Variants in NEDD4 observed in about 807,000 individuals in gnomAD.
The protein encoded by NEDD4 is NEDD4 E3 ubiquitin protein ligase.
A neutral mutation model predicts 144.9 loss-of-function variants in NEDD4; 99 were observed. That is an observed-to-expected ratio of 0.68 (90% CI 0.58 to 0.81). The LOEUF is 0.81. Among genes scored for constraint, NEDD4 ranks in the 30% least tolerant of loss-of-function variants. The probability of loss-of-function intolerance (pLI) is 0.00; values close to 1 mark genes in which losing one functional copy is unlikely to be tolerated. For missense variants in NEDD4, 985 were observed against 1,065.9 expected, an observed-to-expected ratio of 0.92 and a Z score of 1.06; for synonymous variants, 318 against 350.6, an observed-to-expected ratio of 0.91 and a Z score of 1.04.
Position 55,848,340 on chromosome 15 carries a change from T to C in NEDD4, c.1542+32A>G, listed in dbSNP as rs975646635. ...CTTGAAGAGACAGGTGAGCGGACAGTCCCATCAGAGCACACTGGCAGAGAG... is the reference window on the plus strand; with the variant it reads ...CTTGAAGAGACAGGTGAGCGGACAGCCCCATCAGAGCACACTGGCAGAGAG... On this transcript the variant is annotated intron_variant, in intron 17 of 28. Transcript: ENST00000435532. 3 of 1,604,532 alleles carry C rather than the reference T, an allele frequency of 1.9e-6. No individual in the cohort carries two copies. In the South Asian group the frequency reaches 3.3e-5, roughly 18 times the overall value.
chr15:55,952,951 C>T (rs913064418), intron 2 of NEDD4, among the ~76,000 whole-genome samples: 1 of 151,974 alleles, frequency 6.6e-6, no homozygotes, highest in Non-Finnish European at 1.5e-5. Flanking sequence ...TACTCAGTGC[C>T]AGACACCACT....
At chr15:55,938,308 G>A (rs529562985) in intron 4 of NEDD4, among the ~76,000 whole-genome samples, 49 of 152,242 alleles carry the variant, frequency 3.2e-4, no homozygotes, top group South Asian at 1.0e-3. Context: ...GCGGTGAGCC[G>A]AGATCGTGCC....
At chr15:55,913,122 C>A (rs1160392773) in intron 5 of NEDD4, among the ~76,000 whole-genome samples, 1 of 152,116 alleles carries the variant, frequency 6.6e-6, no homozygotes, top group Non-Finnish European at 1.5e-5. Flanking sequence ...AAACCAGGTT[C>A]TCTGACCAAA....
chr15:55,830,662 A>T, intron 27 of NEDD4, 76 bp from the exon 28 acceptor site: 4 of 1,140,036 alleles, frequency 3.5e-6, no homozygotes, highest in Non-Finnish European at 5.3e-6. Flanking sequence ...TTTCTAGTGT[A>T]CACTAGTTCC....
At chr15:55,830,043 G>C in intron 28 of NEDD4, 44 bp from the exon 29 acceptor site, 2 of 1,363,494 alleles carry the variant, frequency 1.5e-6, no homozygotes, top group Non-Finnish European at 2.1e-6. Flanking sequence ...CACTGACAAA[G>C]CAAGTACCAC....
At chr15:55,886,066 A>G (rs2035376548) in intron 5 of NEDD4, among the ~76,000 whole-genome samples, 1 of 152,228 alleles carries the variant, frequency 6.6e-6, no homozygotes, top group South Asian at 2.1e-4. Flanking sequence ...ATCAGATAAA[A>G]TAGACTTCAA....
intron 5 of NEDD4, among the ~76,000 whole-genome samples, chr15:55,901,603 T>G (rs1173070731): frequency 6.6e-6 from 1 of 152,186 alleles, no homozygotes; most frequent in Non-Finnish European, 1.5e-5. Context: ...CTTTGGTTTC[T>G]TATGAAGAAG....
Position 55,862,968 on chromosome 15 carries a change from T to C in NEDD4, c.619A>G (p.Thr207Ala), listed in dbSNP as rs2034460450. Residue 207 changes from threonine to alanine, a missense_variant, in exon 9 of 29, where the codon ACC becomes GCC. Transcript: ENST00000435532. ...WEERQDILGR[T>A]YYVNHESRRT... ...CTAGATTCATGGTTTACATAATAGG[T>C]CCTTCCAAGGATATCCTGCCTCTCT... 1.2e-6 allele frequency: 2 copies of C among 1,609,026 alleles called. No individual in the cohort carries two copies. Among genetic ancestry groups the C allele is most frequent in the Non-Finnish European group, 1.7e-6 (2 of 1,176,584 alleles).
At chr15:55,891,985 G>A (rs920168446) in intron 5 of NEDD4, among the ~76,000 whole-genome samples, 4 of 152,004 alleles carry the variant, frequency 2.6e-5, no homozygotes, top group African/African-American at 9.7e-5. Context: ...TGAATTATAG[G>A]CTGGGCACGG....
At chr15:55,932,433 T>C (rs1358856512) in intron 4 of NEDD4, among the ~76,000 whole-genome samples, 2 of 152,184 alleles carry the variant, frequency 1.3e-5, no homozygotes, top group Non-Finnish European at 2.9e-5. Flanking sequence ...ATTCCCTATT[T>C]AATAAATGAT....
At chr15:55,850,871 G>T in intron 13 of NEDD4, 129 bp from the exon 14 acceptor site, 2 of 706,910 alleles carry the variant, frequency 2.8e-6, no homozygotes, top group Admixed American at 3.7e-5. Context: ...AATATTTGAG[G>T]CTCATTTTCA....
At chr15:55,841,581 T>C (rs2033504302) in intron 19 of NEDD4, among the ~76,000 whole-genome samples, 1 of 152,130 alleles carries the variant, frequency 6.6e-6, no homozygotes. Flanking sequence ...TTAAAATGGC[T>C]AAAATGGTAA....
intron 5 of NEDD4, among the ~76,000 whole-genome samples, chr15:55,892,717 T>A (rs1422123868): frequency 2.0e-5 from 3 of 152,196 alleles, no homozygotes; most frequent in African/African-American, 7.2e-5. Flanking sequence ...TTTGTGCCTA[T>A]CCATCCCTTT....
chr15:55,850,676 T>C lies in NEDD4; in HGVS notation c.1213A>G (p.Thr405Ala). Residue 405 changes from threonine to alanine, a missense_variant, in exon 14 of 29, where the codon ACC (threonine) becomes GCC (alanine). Physicochemically the swap from Thr to Ala is moderately conservative, Grantham distance 58. Transcript: ENST00000435532. ...SSAGPQSQAS[T>A]SDSGQQVTQP... Reference sequence around the variant, plus strand: ...GTCACCTGCTGGCCTGAATCACTGGTGGAGGCTTGTGATTGAGGGCCTGCA... The same window carrying C: ...GTCACCTGCTGGCCTGAATCACTGGCGGAGGCTTGTGATTGAGGGCCTGCA... The C allele has an allele frequency of 6.2e-7, 1 of 1,614,126 alleles. No individual in the cohort carries two copies. Among genetic ancestry groups the C allele is most frequent in the Non-Finnish European group, 8.5e-7 (1 of 1,180,024 alleles).
At chr15:55,969,516 T>C (rs2037572916) in intron 1 of NEDD4, among the ~76,000 whole-genome samples, 1 of 151,966 alleles carries the variant, frequency 6.6e-6, no homozygotes, top group Non-Finnish European at 1.5e-5. Flanking sequence ...AGTTCATAGC[T>C]CCAGGAGGAG....
rs1442552972 is a variant in NEDD4, at chr15:55,850,726, C to T, written c.1163G>A (p.Ser388Asn). 2 of 1,613,430 alleles carry T rather than the reference C, an allele frequency of 1.2e-6. No homozygotes were observed. The highest frequency in any genetic ancestry group is 1.7e-6 in the Non-Finnish European group (2 of 1,180,006). The change falls in exon 14 of 29, where the codon AGT becomes AAT. Residue 388 changes from serine (S) to asparagine (N), a missense_variant. Transcript: ENST00000435532. ...AGAACTCTGGCTTGAGGTCAGCTGA[C>T]TGGTCTCCACTGTGGCCTAGCACAT... ...KPTVQATVET[S>N]QLTSSQSSAG...
intron 12 of NEDD4, among the ~76,000 whole-genome samples, chr15:55,854,277 A>G (rs1027138412): frequency 1.1e-4 from 16 of 152,184 alleles, no homozygotes; most frequent in African/African-American, 2.2e-4. Context: ...CAGTCTCTAC[A>G]ATGAAGACAC....
chr15:55,965,653 GGTATGTATGTATGTATGTAT>G (rs71110357), intron 2 of NEDD4, among the ~76,000 whole-genome samples: 41 of 150,192 alleles, frequency 2.7e-4, no homozygotes, highest in Middle Eastern at 6.8e-3. Context: ...AATACTATTT[GGTATGTATGTATGTATGTAT>G]GTATGTATGT....
In NEDD4 at chr15:55,860,708, G is replaced by A. The variant is rs1251943516; in HGVS notation, c.745C>T (p.Gln249Ter). The change falls in exon 10 of 29, where the codon CAG becomes TAG. Residue 249 changes from glutamine to a stop codon, truncating the protein, a stop_gained. Transcript: ENST00000435532. LOFTEE classifies it high-confidence loss of function. ...QAQRAFTTRRQISEETESVDN... is the reference protein window; with the variant it reads ...QAQRAFTTRR Reference sequence around the variant, plus strand: ...ACACTTTCTGTTTCCTCGGATATCTGCCGCCTGGTGGTAAATGCACGTTGT... The same window carrying A: ...ACACTTTCTGTTTCCTCGGATATCTACCGCCTGGTGGTAAATGCACGTTGT... 2.5e-6 allele frequency: 4 copies of A among 1,614,060 alleles called. No homozygotes were observed. In the South Asian group the frequency reaches 4.4e-5, roughly 18 times the overall value.
Sources: gnomAD v4.1 joint callset for allele counts (sites outside exome capture counted in the v4.1 genomes callset) on GRCh38, gnomAD v4.1.1 for gene constraint, MANE v1.5 for transcripts, NCBI Gene and HGNC (gene_info 2026-07-23, HGNC 2026-07-21) for gene names.